Variants in SLC16A6 observed in about 807,000 individuals in gnomAD.
SLC16A6 encodes monocarboxylate transporter 7.
SLC16A6 carries 15 observed loss-of-function variants against 33.8 expected under a neutral mutation model. The ratio of observed to expected loss-of-function variants is 0.44; its 90% CI spans 0.30 to 0.68. The LOEUF (loss-of-function observed/expected upper bound fraction) is 0.68. SLC16A6 is among the 30% of genes least tolerant of loss of function. The pLI is 0.10. For missense variants in SLC16A6, 451 were observed against 661.5 expected (o/e 0.68, Z 3.49); for synonymous variants, 219 against 248.4 (o/e 0.88, Z 1.11).
rs1369417272 is a variant in SLC16A6 at position 68,283,553 on chromosome 17, T to C, written c.-7-5226A>G. On this transcript the variant is annotated intron_variant, in intron 1 of 5. Coordinates refer to ENST00000580666, the MANE Select transcript of SLC16A6 (RefSeq NM_004694.5). ...AAAAAAAAAGGCTGGGCACGGCGGC[T>C]CACGCCTGTAATCCCAGCACACTTT... 2.7e-5 allele frequency among the ~76,000 whole-genome samples: 4 copies of C among 147,436 alleles called. No homozygotes were observed. The East Asian group carries it at 8.1e-4, about 30-fold the overall frequency.
chr17:68,291,197 G>A (rs1472207323), upstream of SLC16A6: 1 of 152,014 alleles, frequency 6.6e-6, no homozygotes, highest in African/African-American at 2.4e-5. Context: ...AACCCCTTAG[G>A]GGGCGGGCCC....
At chr17:68,272,160 T>A (rs183647304) in intron 4 of SLC16A6, among the ~76,000 whole-genome samples, 3 of 152,236 alleles carry the variant, frequency 2.0e-5, no homozygotes, top group African/African-American at 7.2e-5. Context: ...CTGGTCTCGA[T>A]CACCTGACCT....
Position 68,271,564 on chromosome 17 carries a change from A to G in SLC16A6, c.596T>C (p.Leu199Pro). Reference protein sequence around the residue: ...LQLNIVIFGALLRPIFIRGPA... With the variant: ...LQLNIVIFGAPLRPIFIRGPA... ...TCCTCTGATAAAGATGGGTCTGAGCAGTGCTCCGAAGATGACAATGTTTAA... is the reference window on the plus strand; with the variant it reads ...TCCTCTGATAAAGATGGGTCTGAGCGGTGCTCCGAAGATGACAATGTTTAA... The change falls in exon 5 of 6, where the codon CTG becomes CCG. Residue 199 changes from leucine to proline, a missense_variant. Coordinates refer to ENST00000580666, the MANE Select transcript of SLC16A6 (RefSeq NM_004694.5). The surrounding 1 kb of genome is among the most constrained non-coding windows in gnomAD (Gnocchi z 5.3). The G allele has an allele frequency of 3.7e-6, 6 of 1,614,232 alleles. No homozygotes were observed. The highest frequency in any genetic ancestry group is 5.1e-6 in the Non-Finnish European group (6 of 1,180,030).
Position 68,268,739 on chromosome 17 carries a change from G to A in SLC16A6, c.*357C>T, listed in dbSNP as rs573831425. On this transcript the variant is annotated 3_prime_UTR_variant, in exon 6 of 6. Transcript: ENST00000580666. ...AAAAAAAGAAAATCATTTATCCCAC[G>A]TGAAAGCTTTTAAAACCACTTTGCC... is the stretch of plus-strand genomic sequence containing the variant. 1.1e-4 allele frequency: 23 copies of A among 209,972 alleles called. No homozygotes were observed. The East Asian group carries it at 2.4e-3, about 22-fold the overall frequency. The allele number at this position is 209,972 out of a possible 1,614,324, so 13.0% of individuals were successfully genotyped here. A position where few individuals can be genotyped will look rare whatever the true frequency, so the allele number is the denominator to read the frequency against.
intron 2 of SLC16A6, among the ~76,000 whole-genome samples, chr17:68,275,699 T>C (rs1555750625): frequency 6.6e-6 from 1 of 152,112 alleles, no homozygotes; most frequent in African/African-American, 2.4e-5. Flanking sequence ...GAAGTTATCT[T>C]GGCTGGGTGC....
chr17:68,289,143 T>C (rs1268092435), intron 1 of SLC16A6, among the ~76,000 whole-genome samples: 1 of 152,094 alleles, frequency 6.6e-6, no homozygotes, highest in Non-Finnish European at 1.5e-5. Flanking sequence ...CCCAGGAGTT[T>C]GAGACCAACC....
chr17:68,284,940 C>T (rs2075807890), intron 1 of SLC16A6, among the ~76,000 whole-genome samples: 2 of 152,160 alleles, frequency 1.3e-5, no homozygotes, highest in South Asian at 4.1e-4. Context: ...TCCCCGGACC[C>T]TGCCTGTACC....
intron 3 of SLC16A6, among the ~76,000 whole-genome samples, chr17:68,273,598 A>G (rs1165772836): frequency 1.3e-5 from 2 of 152,196 alleles, no homozygotes; most frequent in African/African-American, 4.8e-5. Flanking sequence ...ACAGCCCTGG[A>G]TCCTCAGACA....
intron 1 of SLC16A6, among the ~76,000 whole-genome samples, chr17:68,290,253 C>G (rs797039501): frequency 6.6e-6 from 1 of 152,180 alleles, no homozygotes; most frequent in African/African-American, 2.4e-5. Flanking sequence ...CTAAGACTGA[C>G]GCCCCCCATG....
chr17:68,277,032 T>A (rs943774301), intron 2 of SLC16A6, among the ~76,000 whole-genome samples: 5 of 152,322 alleles, frequency 3.3e-5, no homozygotes, highest in African/African-American at 9.6e-5. Context: ...TATTTGTAAT[T>A]TCACCTTATC....
rs548941187 is a variant in SLC16A6 at position 68,289,226 on chromosome 17, A to G, written c.-8+1860T>C. Among the ~76,000 whole-genome samples, 3 of 152,222 alleles carry G rather than the reference A, an allele frequency of 2.0e-5. No homozygotes were observed. The South Asian group carries it at 6.2e-4, about 32-fold the overall frequency. ...GGTGGGAGGATCGCTTGAGCCCGGG[A>G]GGTCGAGGCTGCAATGAGCAGAGAT... On this transcript the variant is annotated intron_variant, in intron 1 of 5. Coordinates refer to ENST00000580666, the MANE Select transcript of SLC16A6 (RefSeq NM_004694.5).
rs1375005048 is a variant in SLC16A6, at chr17:68,267,037, A to T, written c.*2059T>A. ...TAGAAGAGAATCGGTCTCTTTAAATAAAAAATCCATAAATTTATTGCAAAT... is the reference window on the plus strand; with the variant it reads ...TAGAAGAGAATCGGTCTCTTTAAATTAAAAATCCATAAATTTATTGCAAAT... On this transcript the variant is annotated 3_prime_UTR_variant, in exon 6 of 6. Coordinates refer to ENST00000580666, the MANE Select transcript of SLC16A6 (RefSeq NM_004694.5). 6.6e-6 allele frequency: 1 copy of T among 152,172 alleles called. No individual in the cohort carries two copies. The highest frequency in any genetic ancestry group is 1.5e-5 in the Non-Finnish European group (1 of 68,026). The allele number at this position is 152,172 out of a possible 1,614,324, so 9.4% of individuals were successfully genotyped here.
At position 68,271,699 on chromosome 17, in the gene SLC16A6, T is replaced by C; in HGVS notation, c.506-45A>G. On this transcript the variant is annotated intron_variant, in intron 4 of 5. Coordinates refer to ENST00000580666, the MANE Select transcript of SLC16A6 (RefSeq NM_004694.5). This position sits in a 1 kb window ranked among gnomAD's most constrained non-coding sequence, Gnocchi z 5.3. ...AGAAGAAATAATATAAGGTCAATAA[T>C]GGACTCAAGACCCAGGAGAAGCCAT... 6.7e-7 allele frequency: 1 copy of C among 1,500,028 alleles called. No individual in the cohort carries two copies. Among genetic ancestry groups the C allele is most frequent in the South Asian group, 1.2e-5 (1 of 83,650 alleles). The allele number at this position is 1,500,028 out of a possible 1,614,324, so 92.9% of individuals were successfully genotyped here.
intron 2 of SLC16A6, among the ~76,000 whole-genome samples, chr17:68,276,584 GA>G (rs2075529485): frequency 6.6e-6 from 1 of 152,104 alleles, no homozygotes; most frequent in Admixed American, 6.5e-5. Flanking sequence ...GAGTAGCTGG[GA>G]TCACAGGTGT....
chr17:68,273,011 C>CT (rs1555749584), intron 3 of SLC16A6, among the ~76,000 whole-genome samples: 4 of 150,988 alleles, frequency 2.6e-5, no homozygotes, highest in Admixed American at 6.6e-5. Context: ...CTTTGCAACA[C>CT]TTTTTTTCAA....
intron 1 of SLC16A6, among the ~76,000 whole-genome samples, chr17:68,283,389 C>T (rs1470022079): frequency 6.6e-6 from 1 of 151,892 alleles, no homozygotes; most frequent in Non-Finnish European, 1.5e-5. Context: ...GGCGTGGTGG[C>T]GGGCGCCTGT....
At chr17:68,288,415 CAG>C in intron 1 of SLC16A6, among the ~76,000 whole-genome samples, 1 of 152,260 alleles carries the variant, frequency 6.6e-6, no homozygotes, top group Middle Eastern at 3.4e-3. Context: ...CTGTAAGTTC[CAG>C]AATATAAAAG....
intron 1 of SLC16A6, among the ~76,000 whole-genome samples, chr17:68,286,338 G>A (rs1568419348): frequency 6.6e-6 from 1 of 152,126 alleles, no homozygotes; most frequent in Non-Finnish European, 1.5e-5. Context: ...AAAGCTGAAG[G>A]GGAAAATTGA....
chr17:68,270,117 T>C (rs1442377506), intron 5 of SLC16A6, among the ~76,000 whole-genome samples: 5 of 152,216 alleles, frequency 3.3e-5, no homozygotes, highest in Non-Finnish European at 7.3e-5. Flanking sequence ...TACAGAGTGC[T>C]GCTATCCATT....
Sources: gnomAD v4.1 joint callset for allele counts (sites outside exome capture counted in the v4.1 genomes callset) on GRCh38, gnomAD v4.1.1 for gene constraint, Gnocchi (gnomAD v3.1) non-coding constraint, MANE v1.5 for transcripts, NCBI Gene and HGNC (gene_info 2026-07-23, HGNC 2026-07-21) for gene names.